Variants in WRN observed in about 807,000 individuals in gnomAD.
WRN encodes WRN RecQ like helicase, also known as bifunctional 3'-5' exonuclease/ATP-dependent helicase WRN.
WRN carries 149 observed loss-of-function variants against 180.7 expected under a neutral mutation model. The ratio of observed to expected loss-of-function variants is 0.82; its 90% confidence interval spans 0.72 to 0.94. WRN has a LOEUF of 0.94. Among genes scored for constraint, WRN ranks in the 40% least tolerant of loss-of-function variants. WRN has a pLI of 0.00. For missense variants in WRN, 1,661 were observed against 1,700.1 expected, an observed-to-expected ratio of 0.98 and a Z score of 0.40; for synonymous variants, 548 against 568.9, an observed-to-expected ratio of 0.96 and a Z score of 0.52.
intron 23 of WRN, among the ~76,000 whole-genome samples, chr8:31,130,427 G>C (rs1802113219): frequency 6.6e-6 from 1 of 152,114 alleles, no homozygotes; most frequent in South Asian, 2.1e-4. Context: ...CTCTATAGTA[G>C]ATTTTCTTTA....
intron 17 of WRN, among the ~76,000 whole-genome samples, chr8:31,097,666 C>T (rs1044839837): frequency 1.3e-5 from 2 of 152,030 alleles, no homozygotes; most frequent in African/African-American, 4.8e-5. Flanking sequence ...ATAGTCCAAG[C>T]TACTTGGGAG....
chr8:31,158,759 A>G (rs1445528338), intron 33 of WRN, among the ~76,000 whole-genome samples: 2 of 152,130 alleles, frequency 1.3e-5, no homozygotes, highest in Non-Finnish European at 2.9e-5. Flanking sequence ...CTGAAGGTCT[A>G]AAGAACAAAC....
At chr8:31,131,111 A>ACT (rs1028826934) in intron 23 of WRN, among the ~76,000 whole-genome samples, 1 of 151,580 alleles carries the variant, frequency 6.6e-6, no homozygotes, top group Non-Finnish European at 1.5e-5. Flanking sequence ...AGGTGAAAGA[A>ACT]TAGAGAAAAC....
chr8:31,090,571 A>G lies in WRN; in HGVS notation c.1720+39A>G. 1.9e-6 allele frequency: 3 copies of G among 1,576,872 alleles called. No individual in the cohort carries two copies. The African/African-American group carries it at 4.1e-5, about 21-fold the overall frequency. On this transcript the variant is annotated intron_variant, in intron 14 of 34. Coordinates refer to ENST00000298139, the MANE Select transcript of WRN (RefSeq NM_000553.6). The stretch of plus-strand genomic sequence containing the variant: ...AAGCAAAACCTAATCCTTTAAAAAA[A>G]TAAAACATAAAGAGTTTGAAATGCT...
intron 1 of WRN, among the ~76,000 whole-genome samples, chr8:31,045,946 G>A (rs1184385193): frequency 9.9e-5 from 15 of 152,170 alleles, no homozygotes; most frequent in Admixed American, 9.8e-4. Flanking sequence ...CCGAAACGCA[G>A]TGTGTCTTAT....
In WRN at chr8:31,081,111, G is replaced by A. The variant is rs755136292; in HGVS notation, c.1084G>A (p.Val362Ile). The A allele has an allele frequency of 7.4e-6, 12 of 1,613,914 alleles. No individual in the cohort carries two copies. In the East Asian group the frequency reaches 2.5e-4, roughly 33 times the overall value. Residue 362 changes from valine (V) to isoleucine (I), a missense_variant, in exon 9 of 35, where the codon GTA becomes ATA. Coordinates refer to ENST00000298139, the MANE Select transcript of WRN (RefSeq NM_000553.6). ...DHLAKHDGEDVLGNKVERKED... is the reference protein window; with the variant it reads ...DHLAKHDGEDILGNKVERKED... ...TTTAGCTAAACATGATGGAGAAGAT[G>A]TACTTGGAAATAAAGTGGAACGAAA...
At chr8:31,108,425 C>G (rs1801177854) in intron 18 of WRN, among the ~76,000 whole-genome samples, 1 of 151,974 alleles carries the variant, frequency 6.6e-6, no homozygotes, top group Non-Finnish European at 1.5e-5. Flanking sequence ...AGAAAAGGTT[C>G]TATTCATTGC....
intron 18 of WRN, among the ~76,000 whole-genome samples, chr8:31,101,951 T>C (rs1352181085): frequency 6.6e-6 from 1 of 152,098 alleles, no homozygotes; most frequent in African/African-American, 2.4e-5. Flanking sequence ...AATACCTATA[T>C]AGAGGTCCTA....
chr8:31,130,611 G>T (rs1486262384), intron 23 of WRN, among the ~76,000 whole-genome samples: 5 of 75,032 alleles, frequency 6.7e-5, no homozygotes, highest in African/African-American at 2.4e-4. Context: ...TATAGCATAG[G>T]ATTTGGGTTT....
chr8:31,042,831 C>A (rs1474994782), intron 1 of WRN, among the ~76,000 whole-genome samples: 1 of 152,114 alleles, frequency 6.6e-6, no homozygotes, highest in East Asian at 1.9e-4. Context: ...CAAGGGTATT[C>A]ATTGAACGTT....
chr8:31,148,187 C>A (rs1250980363), intron 30 of WRN, among the ~76,000 whole-genome samples: 1 of 152,056 alleles, frequency 6.6e-6, no homozygotes, highest in Non-Finnish European at 1.5e-5. Flanking sequence ...TGCCTGGCCT[C>A]TTTTTCTCAT....
At chr8:31,107,957 T>C (rs569040573) in intron 18 of WRN, among the ~76,000 whole-genome samples, 22 of 152,338 alleles carry the variant, frequency 1.4e-4, no homozygotes, top group African/African-American at 5.3e-4. Flanking sequence ...CTATTTAGAA[T>C]GAGTGCATGA....
Position 31,081,075 on chromosome 8 carries a change from AC to A in WRN, c.1049del (p.Thr350AsnfsTer5). 6.2e-7 allele frequency: 1 copy of A among 1,614,100 alleles called. No individual in the cohort carries two copies. Among genetic ancestry groups the A allele is most frequent in the African/African-American group, 1.3e-5 (1 of 75,064 alleles). The stretch of plus-strand genomic sequence containing the variant: ...CGTTGAAGATGAAACATGGGACCCA[AC>A]ACTTGATCATTTAGCTAAACATGAT... ...IHVEDETWDP[T>X]LDHLAKHDGE... On this transcript the variant is annotated frameshift_variant, in exon 9 of 35. Coordinates refer to ENST00000298139, the MANE Select transcript of WRN (RefSeq NM_000553.6). LOFTEE classifies it high-confidence loss of function.
chr8:31,060,144 A>ATT (rs1812434899), intron 3 of WRN, among the ~76,000 whole-genome samples: 1 of 152,236 alleles, frequency 6.6e-6, no homozygotes, highest in African/African-American at 2.4e-5. Flanking sequence ...GCCTTGTAAA[A>ATT]TTAGGACTGC....
Position 31,120,309 on chromosome 8 carries a change from T to G in WRN, c.2515T>G (p.Tyr839Asp), listed in dbSNP as rs765666269. The G allele has an allele frequency of 1.2e-6, 2 of 1,612,990 alleles. No homozygotes were observed. The highest frequency in any genetic ancestry group is 1.6e-4 in the Middle Eastern group (1 of 6,082). Residue 839 changes from tyrosine (Y) to aspartate (D), a missense_variant, in exon 21 of 35, where the codon TAC (tyrosine) becomes GAC (aspartate). Transcript: ENST00000298139. ...AGCTGACATTCGCCAAGTCATTCAT[T>G]ACGGTGCTCCTAAGGACATGGAATC... is the stretch of plus-strand genomic sequence containing the variant. ...NKADIRQVIH[Y>D]GAPKDMESYY...
chr8:31,148,175 T>C (rs1802942576), intron 30 of WRN, among the ~76,000 whole-genome samples: 1 of 152,128 alleles, frequency 6.6e-6, no homozygotes, highest in Non-Finnish European at 1.5e-5. Context: ...TGTGAGCCAC[T>C]GTGCCTGGCC....
chr8:31,066,497 C>CCTT (rs1812710526), intron 5 of WRN, among the ~76,000 whole-genome samples: 1 of 152,070 alleles, frequency 6.6e-6, no homozygotes, highest in Non-Finnish European at 1.5e-5. Flanking sequence ...TCTTTTCCTT[C>CCTT]CTCCCAGTTC....
intron 7 of WRN, among the ~76,000 whole-genome samples, chr8:31,071,621 A>G (rs1370785559): frequency 6.6e-6 from 1 of 152,060 alleles, no homozygotes; most frequent in Admixed American, 6.5e-5. Flanking sequence ...AACTGGGATT[A>G]CAGGTGCCTG....
At chr8:31,151,608 A>G (rs562686022) in intron 31 of WRN, among the ~76,000 whole-genome samples, 1 of 152,210 alleles carries the variant, frequency 6.6e-6, no homozygotes, top group Non-Finnish European at 1.5e-5. Context: ...CTCTCTTTGG[A>G]CACTTGAAAG....
Sources: allele counts gnomAD v4.1 joint callset (sites outside exome capture counted in the v4.1 genomes callset), GRCh38; gene constraint gnomAD v4.1.1; transcripts MANE v1.5; gene names NCBI Gene and HGNC (gene_info 2026-07-23, HGNC 2026-07-21).